Variants in GRIK5 observed in about 807,000 individuals in gnomAD.
GRIK5 encodes the protein glutamate receptor ionotropic, kainate 5.
A neutral mutation model predicts 97.4 loss-of-function variants in GRIK5; 43 were observed. The observed-to-expected ratio is 0.44, with a 90% confidence interval of 0.35 to 0.57. The LOEUF is 0.57. GRIK5 is among the 20% of genes least tolerant of loss of function. The pLI, the probability that GRIK5 is intolerant of heterozygous loss-of-function variation, is 0.01. For missense variants in GRIK5, 1,015 were observed against 1,382.0 expected (o/e 0.73, Z 4.21); for synonymous variants, 580 against 583.5 (o/e 0.99, Z 0.09).
At chr19:42,041,963 A>G (rs1055019730) in intron 12 of GRIK5, among the ~76,000 whole-genome samples, 9 of 152,058 alleles carry the variant, frequency 5.9e-5, no homozygotes, top group African/African-American at 1.4e-4. Context: ...TTGCGCCCCA[A>G]AGAGACTCTA....
At chr19:42,011,632 CAAA>C (rs1464505835) in intron 15 of GRIK5, among the ~76,000 whole-genome samples, 2 of 148,968 alleles carry the variant, frequency 1.3e-5, no homozygotes, top group Admixed American at 1.3e-4. Context: ...AAAAATAAAA[CAAA>C]GAAGTACAGT....
intron 15 of GRIK5, among the ~76,000 whole-genome samples, chr19:42,019,288 C>T (rs1284037063): frequency 6.6e-6 from 1 of 152,090 alleles, no homozygotes; most frequent in African/African-American, 2.4e-5. Flanking sequence ...ATGCTCCTCC[C>T]TCTCCTTGGC....
chr19:42,059,383 G>C lies in GRIK5; in HGVS notation c.653C>G (p.Ala218Gly). 1 of 1,613,804 alleles carries C rather than the reference G, an allele frequency of 6.2e-7. No homozygotes were observed. The highest frequency in any genetic ancestry group is 1.1e-5 in the South Asian group (1 of 91,074). The change falls in exon 6 of 20, where the codon GCC becomes GGC. Residue 218 changes from alanine to glycine, a missense_variant. Transcript: ENST00000593562. ...DDKVSTIIIDANASISHLILR... is the reference protein window; with the variant it reads ...DDKVSTIIIDGNASISHLILR... ...GATGAGGTGGGAGATGGAGGCGTTGGCGTCGATGATGATGGTGGACACCTT... is the reference window on the plus strand; with the variant it reads ...GATGAGGTGGGAGATGGAGGCGTTGCCGTCGATGATGATGGTGGACACCTT...
chr19:42,042,660 G>A lies in GRIK5; in HGVS notation c.1365C>T (p.Ala455=), dbSNP rs757152676. ...GFCVDMLREL[A]ELLRFRYRLR... ...GGCGGTAGCGGAAGCGCAGCAGCTCGGCCAGCTCCCGCAGCATGTCCACGC... is the reference window on the plus strand; with the variant it reads ...GGCGGTAGCGGAAGCGCAGCAGCTCAGCCAGCTCCCGCAGCATGTCCACGC... The change falls in exon 12 of 20, where the codon GCC becomes GCT. Residue 455 remains alanine (A), a synonymous_variant. Transcript: ENST00000593562. This position sits in a 1 kb window ranked among gnomAD's most constrained non-coding sequence, Gnocchi z 6.9. 9 of 1,613,464 alleles carry A rather than the reference G, an allele frequency of 5.6e-6. No individual in the cohort carries two copies. Among genetic ancestry groups the A allele is most frequent in the African/African-American group, 1.3e-5 (1 of 75,044 alleles).
rs1308731714 is a variant in GRIK5, at chr19:41,999,780, C to T, written c.2515-481G>A. Among the ~76,000 whole-genome samples, 1 of 152,148 alleles carries T rather than the reference C, an allele frequency of 6.6e-6. No homozygotes were observed. Among genetic ancestry groups the T allele is most frequent in the Non-Finnish European group, 1.5e-5 (1 of 68,034 alleles). On this transcript the variant is annotated intron_variant, in intron 19 of 19. Coordinates refer to ENST00000593562, the MANE Select transcript of GRIK5 (RefSeq NM_002088.5). The surrounding 1 kb of genome is among the most constrained non-coding windows in gnomAD (Gnocchi z 5.0). ...GAGGTTATGCTCAAGTGTGCAGAGA[C>T]AGAAGATAACAGACATGTATGTAGT...
chr19:42,049,831 C>G (rs1326775844), intron 11 of GRIK5, among the ~76,000 whole-genome samples: 1 of 152,134 alleles, frequency 6.6e-6, no homozygotes, highest in Admixed American at 6.5e-5. Context: ...TTGCTTGGAC[C>G]CTTTCATGAA....
chr19:42,006,560 C>A lies in GRIK5; in HGVS notation c.2037+85G>T. 1 of 1,205,006 alleles carries A rather than the reference C, an allele frequency of 8.3e-7. No homozygotes were observed. The highest frequency in any genetic ancestry group is 1.3e-5 in the South Asian group (1 of 77,660). 74.6% of individuals were successfully genotyped at this position (1,205,006 alleles called of 1,614,324 possible). On this transcript the variant is annotated intron_variant, in intron 16 of 19. Coordinates refer to ENST00000593562, the MANE Select transcript of GRIK5 (RefSeq NM_002088.5). The surrounding 1 kb of genome is among the most constrained non-coding windows in gnomAD (Gnocchi z 5.3). ...TCACTGACAATCAGTCCCTCTGACC[C>A]AGGAGACCCTGCCCAGACCCATCCT...
At position 42,022,155 on chromosome 19, in the gene GRIK5, G is replaced by T; in HGVS notation, c.1587+86C>A. The T allele has an allele frequency of 7.1e-7, 1 of 1,398,806 alleles. No individual in the cohort carries two copies. The highest frequency in any genetic ancestry group is 1.0e-6 in the Non-Finnish European group (1 of 993,296). The allele number at this position is 1,398,806 out of a possible 1,614,324, so 86.6% of individuals were successfully genotyped here. A position where few individuals can be genotyped will look rare whatever the true frequency, so the allele number is the denominator to read the frequency against. The stretch of plus-strand genomic sequence containing the variant: ...ACCTGGGAGCCTGACCGGCCCATCT[G>T]AGGTCCTGGGGCTGTCTGGCTCCCA... On this transcript the variant is annotated intron_variant, in intron 13 of 19. Transcript: ENST00000593562. The surrounding 1 kb of genome is among the most constrained non-coding windows in gnomAD (Gnocchi z 4.2).
Position 42,059,411 on chromosome 19 carries a change from C to T in GRIK5, c.625G>A (p.Asp209Asn), listed in dbSNP as rs749758530. 3 of 1,614,002 alleles carry T rather than the reference C, an allele frequency of 1.9e-6. No homozygotes were observed. The highest frequency in any genetic ancestry group is 2.5e-6 in the Non-Finnish European group (3 of 1,179,944). ...PTPLLKEIRD[D>N]KVSTIIIDAN... ...TCGATGATGATGGTGGACACCTTGT[C>T]ATCACGGATCTCCTTGAGCAGTGGT... The change falls in exon 6 of 20, where the codon GAC (aspartate) becomes AAC (asparagine). Residue 209 changes from aspartate (D) to asparagine (N), a missense_variant. By Grantham distance (23) the Asp-to-Asn change is conservative. This residue lies in a region of GRIK5 where 477 missense variants were observed against 701.1 expected (regional missense o/e 0.68). Transcript: ENST00000593562.
chr19:42,043,793 T>C (rs953278246), intron 11 of GRIK5, among the ~76,000 whole-genome samples: 1 of 152,136 alleles, frequency 6.6e-6, no homozygotes, highest in Non-Finnish European at 1.5e-5. Flanking sequence ...ATGCCTGAAA[T>C]CTCACTGCTT....
intron 15 of GRIK5, among the ~76,000 whole-genome samples, chr19:42,008,207 G>A (rs1454685054): frequency 6.6e-6 from 1 of 152,202 alleles, no homozygotes; most frequent in East Asian, 1.9e-4. Flanking sequence ...TAGTAGAGAT[G>A]AGGTTTCACC....
At chr19:42,028,090 C>T (rs2075793563) in intron 12 of GRIK5, among the ~76,000 whole-genome samples, 1 of 152,158 alleles carries the variant, frequency 6.6e-6, no homozygotes, top group Non-Finnish European at 1.5e-5. Context: ...ACCTTGGCTT[C>T]CCAAAGTGCT....
chr19:42,066,988 C>T (rs1395169745), intron 1 of GRIK5, among the ~76,000 whole-genome samples: 1 of 152,200 alleles, frequency 6.6e-6, no homozygotes, highest in African/African-American at 2.4e-5. Context: ...CTCTTCACAA[C>T]TCTCCACCCC....
intron 12 of GRIK5, among the ~76,000 whole-genome samples, chr19:42,034,116 C>T (rs1388621783): frequency 6.6e-6 from 1 of 152,180 alleles, no homozygotes; most frequent in African/African-American, 2.4e-5. Flanking sequence ...AATCTCAGCA[C>T]TTCAGGAGGT....
At chr19:42,059,843 T>C (rs886316162) in intron 5 of GRIK5, among the ~76,000 whole-genome samples, 3 of 152,120 alleles carry the variant, frequency 2.0e-5, no homozygotes, top group Middle Eastern at 3.2e-3. Context: ...CCCATGTTGG[T>C]GAACAGCATC....
intron 15 of GRIK5, among the ~76,000 whole-genome samples, chr19:42,017,134 A>G (rs927961431): frequency 2.0e-5 from 3 of 152,362 alleles, no homozygotes; most frequent in East Asian, 1.9e-4. Context: ...CAGCTGCATT[A>G]GCAAATCATC....
intron 12 of GRIK5, among the ~76,000 whole-genome samples, chr19:42,028,541 C>T (rs1224479328): frequency 6.6e-6 from 1 of 152,252 alleles, no homozygotes; most frequent in African/African-American, 2.4e-5. Context: ...CAGATGAATC[C>T]GGTGTGCAGC....
chr19:42,018,773 G>C (rs901103813), intron 15 of GRIK5, among the ~76,000 whole-genome samples: 1 of 151,486 alleles, frequency 6.6e-6, no homozygotes, highest in East Asian at 1.9e-4. Flanking sequence ...TGTGGGCTGA[G>C]GGGGCCCTGG....
rs936672752 is a variant in GRIK5 at position 42,065,595 on chromosome 19, A to G, written c.79+97T>C. The stretch of plus-strand genomic sequence containing the variant: ...AGGCTGGGATTCCTTGCTGCTGAAG[A>G]GAGCTGAGACCTGGACCCTGACGGA... On this transcript the variant is annotated intron_variant, in intron 2 of 19. Coordinates refer to ENST00000593562, the MANE Select transcript of GRIK5 (RefSeq NM_002088.5). The surrounding 1 kb of genome is among the most constrained non-coding windows in gnomAD (Gnocchi z 5.8). 8.8e-7 allele frequency: 1 copy of G among 1,130,734 alleles called. No individual in the cohort carries two copies. The highest frequency in any genetic ancestry group is 1.6e-5 in the African/African-American group (1 of 64,516). 70.0% of individuals were successfully genotyped at this position (1,130,734 alleles called of 1,614,324 possible).
Sources: allele counts gnomAD v4.1 joint callset (sites outside exome capture counted in the v4.1 genomes callset), GRCh38; gene constraint gnomAD v4.1.1; regional missense constraint gnomAD v4.1.1; non-coding constraint Gnocchi (gnomAD v3.1); transcripts MANE v1.5; gene names NCBI Gene and HGNC (gene_info 2026-07-23, HGNC 2026-07-21).